Variants in NLGN1 observed in about 807,000 individuals in gnomAD.
NLGN1 encodes neuroligin-1.
A neutral mutation model predicts 65.5 loss-of-function variants in NLGN1; 12 were observed. The observed-to-expected ratio is 0.18, with a 90% CI of 0.12 to 0.30. NLGN1 has a LOEUF of 0.30. NLGN1 is among the 10% of genes least tolerant of loss of function. The pLI, the probability that NLGN1 is intolerant of heterozygous loss-of-function variation, is 1.00. For missense variants in NLGN1, 750 were observed against 1,007.1 expected (o/e 0.74, Z 3.46); for synonymous variants, 350 against 359.5 (o/e 0.97, Z 0.30).
At chr3:174,051,264 A>C (rs1734797155) in intron 4 of NLGN1, among the ~76,000 whole-genome samples, 1 of 152,012 alleles carries the variant, frequency 6.6e-6, no homozygotes, top group Non-Finnish European at 1.5e-5. Context: ...TATGATGTTG[A>C]TTTGTGAAGA....
At chr3:173,451,134 C>A (rs529159187) in intron 2 of NLGN1, among the ~76,000 whole-genome samples, 2 of 152,182 alleles carry the variant, frequency 1.3e-5, no homozygotes, top group Non-Finnish European at 2.9e-5. Context: ...GGAGGAGAGG[C>A]GCTCTGATTT....
At chr3:173,492,402 G>T (rs1008610675) in intron 2 of NLGN1, among the ~76,000 whole-genome samples, 8 of 151,658 alleles carry the variant, frequency 5.3e-5, no homozygotes, top group African/African-American at 1.9e-4. Context: ...AGGGTTCTAG[G>T]CATATTAATT....
intron 3 of NLGN1, among the ~76,000 whole-genome samples, chr3:173,633,172 A>C (rs1756006956): frequency 6.6e-6 from 1 of 152,098 alleles, no homozygotes; most frequent in South Asian, 2.1e-4. Flanking sequence ...GGATTGACAC[A>C]GCTGACTTAT....
chr3:174,270,722 A>T (rs1283026534), intron 4 of NLGN1, among the ~76,000 whole-genome samples: 2 of 151,966 alleles, frequency 1.3e-5, no homozygotes, highest in East Asian at 1.9e-4. Flanking sequence ...AGTCCGTGAC[A>T]TGAAGTTTAA....
At chr3:173,660,678 T>G (rs551285979) in intron 3 of NLGN1, among the ~76,000 whole-genome samples, 77 of 152,018 alleles carry the variant, frequency 5.1e-4, no homozygotes, top group African/African-American at 1.7e-3. Flanking sequence ...ACTGCTTTAA[T>G]GTATTACTTC....
In NLGN1 at chr3:173,720,996, T is replaced by G. The variant is rs73880555; in HGVS notation, c.494-86684T>G. ...GTAGCTGATCAGGCAAAAAGTCAGGTAGAAGCTTTTAGGCAGAAAGATCAG... is the reference window on the plus strand; with the variant it reads ...GTAGCTGATCAGGCAAAAAGTCAGGGAGAAGCTTTTAGGCAGAAAGATCAG... On this transcript the variant is annotated intron_variant, in intron 3 of 6. Transcript: ENST00000457714. 3.0e-3 allele frequency among the ~76,000 whole-genome samples: 459 copies of G among 152,290 alleles called. 4 individuals are homozygous for G. Among genetic ancestry groups the G allele is most frequent in the African/African-American group, 0.01 (435 of 41,566 alleles).
chr3:173,604,214 C>T (rs945530435), intron 2 of NLGN1, 65 bp from the exon 2 acceptor site: 2 of 176,238 alleles, frequency 1.1e-5, no homozygotes. Flanking sequence ...GATTGTAAAA[C>T]ATCTAGTTAT....
chr3:174,109,997 C>T (rs2152613585), intron 4 of NLGN1, among the ~76,000 whole-genome samples: 1 of 152,144 alleles, frequency 6.6e-6, no homozygotes, highest in South Asian at 2.1e-4. Flanking sequence ...AAATCACCAT[C>T]TTTGTTGAAT....
chr3:173,560,006 C>G (rs960531803), intron 2 of NLGN1, among the ~76,000 whole-genome samples: 3 of 147,754 alleles, frequency 2.0e-5, no homozygotes, highest in Non-Finnish European at 4.4e-5. Flanking sequence ...TGCAGTGGCA[C>G]GATCTCAGCT....
rs186381089 is a variant in NLGN1 at position 173,512,212 on chromosome 3, C to T, written c.-321+77134C>T. ...CTTGTAGCATGGGGCAGCTGCCTTC[C>T]GCCAGCAAGGGCAAAGTGTCAGTGT... On this transcript the variant is annotated intron_variant, in intron 2 of 6. Coordinates refer to ENST00000457714, the Ensembl canonical transcript of NLGN1. Among the ~76,000 whole-genome samples, 392 of 152,338 alleles carry T rather than the reference C, an allele frequency of 2.6e-3. 1 individual carries two copies. Among genetic ancestry groups the T allele is most frequent in the Non-Finnish European group, 3.7e-3 (254 of 68,032 alleles).
At chr3:173,710,328 T>A (rs573049208) in intron 3 of NLGN1, among the ~76,000 whole-genome samples, 1 of 152,324 alleles carries the variant, frequency 6.6e-6, no homozygotes, top group South Asian at 2.1e-4. Flanking sequence ...TAGTATTCTA[T>A]TGTAAGCTGT....
intron 3 of NLGN1, 135 bp from the exon 3 acceptor site, chr3:173,605,399 T>A: frequency 2.2e-6 from 1 of 450,964 alleles, no homozygotes; most frequent in South Asian, 2.1e-5. Flanking sequence ...TCATTGCATG[T>A]GCAGGCTCAA....
At chr3:173,753,200 A>G (rs1432573428) in intron 3 of NLGN1, among the ~76,000 whole-genome samples, 2 of 152,154 alleles carry the variant, frequency 1.3e-5, no homozygotes, top group African/African-American at 4.8e-5. Context: ...AATACTGTCT[A>G]TGAATTTATA....
intron 3 of NLGN1, among the ~76,000 whole-genome samples, chr3:173,742,649 C>G (rs75950008): frequency 0.017 from 2,555 of 152,030 alleles, 38 homozygotes; most frequent in Admixed American, 0.063. Context: ...TTTAAGAAAA[C>G]AAGTATTTCA....
At chr3:174,241,963 GTATC>G (rs1452977030) in intron 4 of NLGN1, among the ~76,000 whole-genome samples, 1 of 152,040 alleles carries the variant, frequency 6.6e-6, no homozygotes, top group African/African-American at 2.4e-5. Context: ...CGGCCCCAAC[GTATC>G]TTTATCAATG....
intron 2 of NLGN1, among the ~76,000 whole-genome samples, chr3:173,458,152 C>G (rs945223934): frequency 6.6e-6 from 1 of 151,868 alleles, no homozygotes; most frequent in Non-Finnish European, 1.5e-5. Flanking sequence ...GGAATTTCAG[C>G]AAAAGTAGAG....
intron 4 of NLGN1, among the ~76,000 whole-genome samples, chr3:174,056,610 A>ACT (rs1736153172): frequency 6.6e-6 from 1 of 151,998 alleles, no homozygotes; most frequent in African/African-American, 2.4e-5. Context: ...CAGGATACAT[A>ACT]ATGGGATTTT....
At chr3:174,083,755 A>C (rs1433989633) in intron 4 of NLGN1, among the ~76,000 whole-genome samples, 1 of 152,154 alleles carries the variant, frequency 6.6e-6, no homozygotes, top group Non-Finnish European at 1.5e-5. Context: ...TACCCGGCTA[A>C]TATAGAAATT....
At chr3:173,545,861 A>G (rs1306098924) in intron 2 of NLGN1, among the ~76,000 whole-genome samples, 1 of 151,932 alleles carries the variant, frequency 6.6e-6, no homozygotes, top group Non-Finnish European at 1.5e-5. Context: ...ACCAAACACC[A>G]CATGTTTTCA....
Sources: allele counts gnomAD v4.1 joint callset (sites outside exome capture counted in the v4.1 genomes callset), GRCh38; gene constraint gnomAD v4.1.1; transcripts MANE v1.5; gene names NCBI Gene and HGNC (gene_info 2026-07-23, HGNC 2026-07-21).